LRP1: variants seen among roughly 807,000 people sequenced by gnomAD.
The protein encoded by LRP1 is prolow-density lipoprotein receptor-related protein 1.
A neutral mutation model predicts 541.5 loss-of-function variants in LRP1; 51 were observed. The observed-to-expected ratio is 0.09, with a 90% CI of 0.08 to 0.12. LRP1 has a LOEUF of 0.12. Ranked by LOEUF, LRP1 falls within the 10% of genes least tolerant of loss-of-function variation. The pLI is 1.00. For missense variants in LRP1, 3,878 were observed against 6,376.2 expected (o/e 0.61, Z 13.34); for synonymous variants, 2,219 against 2,470.8 (o/e 0.90, Z 3.02).
Position 57,128,886 on chromosome 12 carries a change from A to T in LRP1, c.-79A>T. 1 of 1,288,174 alleles carries T rather than the reference A, an allele frequency of 7.8e-7. No homozygotes were observed. The highest frequency in any genetic ancestry group is 1.1e-6 in the Non-Finnish European group (1 of 932,066). The allele number at this position is 1,288,174 out of a possible 1,614,324, so 79.8% of individuals were successfully genotyped here. A position where few individuals can be genotyped will look rare whatever the true frequency, so the allele number is the denominator to read the frequency against. On this transcript the variant is annotated 5_prime_UTR_variant, in exon 1 of 89. Coordinates refer to ENST00000243077, the MANE Select transcript of LRP1 (RefSeq NM_002332.3). ...GGAGGGGGAAAGGAGGAAAAGGGGG[A>T]CCCCCCAACTGGGGGGGGTGAAGGA... is the stretch of plus-strand genomic sequence containing the variant.
intron 82 of LRP1, 105 bp downstream of exon 82, chr12:57,210,585 C>G: frequency 6.9e-7 from 1 of 1,441,700 alleles, no homozygotes; most frequent in Non-Finnish European, 9.4e-7. Context: ...TCGCCTCCAG[C>G]CTCCTTTCCA....
Position 57,205,749 on chromosome 12 carries a change from G to C in LRP1, c.11590+72G>C, listed in dbSNP as rs2036764267. 3.2e-6 allele frequency: 5 copies of C among 1,578,250 alleles called. No homozygotes were observed. In the South Asian group the frequency reaches 5.6e-5, roughly 18 times the overall value. ...CCAGGATATCAAACGGGGCCGACTTGGAATGGAATGTCTTCCTGCGGACAT... is the reference window on the plus strand; with the variant it reads ...CCAGGATATCAAACGGGGCCGACTTCGAATGGAATGTCTTCCTGCGGACAT... On this transcript the variant is annotated intron_variant, in intron 75 of 88. Transcript: ENST00000243077. The surrounding 1 kb of genome is among the most constrained non-coding windows in gnomAD (Gnocchi z 4.6).
chr12:57,163,149 G>C (rs1302428109), intron 15 of LRP1, among the ~76,000 whole-genome samples, 166 bp downstream of exon 15: 1 of 152,166 alleles, frequency 6.6e-6, no homozygotes, highest in Non-Finnish European at 1.5e-5. Context: ...AGGCTCTGGG[G>C]GCTAGGAGGG....
In LRP1 at chr12:57,185,444, A is replaced by G; in HGVS notation, c.6464-87A>G. ...AGCTGGGAATACCGAGGCAGAGGGC[A>G]GAGCTTTCGCCAAAGCCTGGATGAC... On this transcript the variant is annotated intron_variant, in intron 40 of 88. Transcript: ENST00000243077. The surrounding 1 kb of genome is among the most constrained non-coding windows in gnomAD (Gnocchi z 4.9). The G allele has an allele frequency of 2.7e-6, 4 of 1,475,082 alleles. No individual in the cohort carries two copies. Among genetic ancestry groups the G allele is most frequent in the Non-Finnish European group, 3.6e-6 (4 of 1,108,680 alleles). The allele number at this position is 1,475,082 out of a possible 1,614,324, so 91.4% of individuals were successfully genotyped here.
In LRP1 at chr12:57,178,259, G is replaced by A. The variant is rs1285372136; in HGVS notation, c.4362-100G>A. On this transcript the variant is annotated intron_variant, in intron 26 of 88. Transcript: ENST00000243077. The surrounding 1 kb of genome is among the most constrained non-coding windows in gnomAD (Gnocchi z 5.8). ...AGGGAATGGTCCCATGCTCTTCGCT[G>A]GGAGGGCTGTGGCCAGGGCCCAGAG... 1.8e-5 allele frequency: 26 copies of A among 1,409,502 alleles called. No individual in the cohort carries two copies. Among genetic ancestry groups the A allele is most frequent in the Admixed American group, 9.8e-5 (5 of 50,960 alleles). The allele number at this position is 1,409,502 out of a possible 1,614,324, so 87.3% of individuals were successfully genotyped here.
At position 57,185,302 on chromosome 12, in the gene LRP1, A is replaced by C; in HGVS notation, c.6463+97A>C. On this transcript the variant is annotated intron_variant, in intron 40 of 88. Coordinates refer to ENST00000243077, the MANE Select transcript of LRP1 (RefSeq NM_002332.3). This position sits in a 1 kb window ranked among gnomAD's most constrained non-coding sequence, Gnocchi z 4.9. ...ACCCAGTGTGAGAGGGCTGGGAGACAAGTTAGACCCATGGGGCAACTTCCG... is the reference window on the plus strand; with the variant it reads ...ACCCAGTGTGAGAGGGCTGGGAGACCAGTTAGACCCATGGGGCAACTTCCG... 6.6e-7 allele frequency: 1 copy of C among 1,521,814 alleles called. No homozygotes were observed. Among genetic ancestry groups the C allele is most frequent in the Non-Finnish European group, 8.9e-7 (1 of 1,122,732 alleles). 94.3% of individuals were successfully genotyped at this position (1,521,814 alleles called of 1,614,324 possible). A position where few individuals can be genotyped will look rare whatever the true frequency, so the allele number is the denominator to read the frequency against.
At chr12:57,199,777 A>G in intron 61 of LRP1, 100 bp from the exon 62 acceptor site, 1 of 1,374,764 alleles carries the variant, frequency 7.3e-7, no homozygotes, top group Non-Finnish European at 9.8e-7. Flanking sequence ...TAAAAGAGGC[A>G]GGGTTCAGAC....
At position 57,205,660 on chromosome 12, in the gene LRP1, A is replaced by C; in HGVS notation, c.11573A>C (p.Asn3858Thr). Residue 3858 changes from asparagine (N) to threonine (T), a missense_variant, in exon 75 of 89, where the codon AAC becomes ACC. This residue lies in a region of LRP1 where 871 missense variants were observed against 1,212.4 expected (regional missense o/e 0.72). Transcript: ENST00000243077. This position sits in a 1 kb window ranked among gnomAD's most constrained non-coding sequence, Gnocchi z 4.6. ...SCARNFMKTH[N>T]TCKAEGSEYQ... is the part of the protein sequence containing the mutation. ...GCTCGGAACTTCATGAAGACGCACAACACCTGCAAGGCCGAAGGTGCCGGA... is the reference window on the plus strand; with the variant it reads ...GCTCGGAACTTCATGAAGACGCACACCACCTGCAAGGCCGAAGGTGCCGGA... The C allele has an allele frequency of 6.2e-7, 1 of 1,612,362 alleles. No homozygotes were observed.
At chr12:57,170,080 G>A (rs1028804625) in intron 20 of LRP1, among the ~76,000 whole-genome samples, 4 of 152,196 alleles carry the variant, frequency 2.6e-5, no homozygotes, top group African/African-American at 4.8e-5. Context: ...CAGCCTCCGC[G>A]GTTTGCTGGC....
At chr12:57,166,632 T>TA (rs1416241869) in intron 17 of LRP1, among the ~76,000 whole-genome samples, 1 of 152,108 alleles carries the variant, frequency 6.6e-6, no homozygotes, top group African/African-American at 2.4e-5. Flanking sequence ...TGGGGTCTGC[T>TA]ATCCCCTTCC....
At chr12:57,208,616 AGTCCCTGTC>A (rs772797454) in intron 77 of LRP1, 86 bp from the exon 78 acceptor site, 76 of 718,698 alleles carry the variant, frequency 1.1e-4, no homozygotes, top group Non-Finnish European at 1.7e-4. Context: ...AGTCCCCAGC[AGTCCCTGTC>A]CCCAGACCAA....
At position 57,196,016 on chromosome 12, in the gene LRP1, C is replaced by T. The variant is rs376697099; in HGVS notation, c.8701+13C>T. The T allele has an allele frequency of 2.5e-6, 4 of 1,612,204 alleles. No individual in the cohort carries two copies. In the African/African-American group the frequency reaches 5.3e-5, roughly 22 times the overall value. ...TGCACCAGCCAAGGTGGGCCCCAGA[C>T]CTGGCTCCCCTCTGCCCCCTCCCCA... On this transcript the variant is annotated intron_variant, in intron 54 of 88. Transcript: ENST00000243077.
chr12:57,183,653 C>T lies in LRP1; in HGVS notation c.5795-122C>T. The T allele has an allele frequency of 6.7e-7, 1 of 1,490,192 alleles. No homozygotes were observed. The highest frequency in any genetic ancestry group is 1.9e-5 in the Admixed American group (1 of 52,940). 92.3% of individuals were successfully genotyped at this position (1,490,192 alleles called of 1,614,324 possible). On this transcript the variant is annotated intron_variant, in intron 35 of 88. Coordinates refer to ENST00000243077, the MANE Select transcript of LRP1 (RefSeq NM_002332.3). The surrounding 1 kb of genome is among the most constrained non-coding windows in gnomAD (Gnocchi z 6.1). ...TACAGCTGCCACCCTGACTCCACCT[C>T]CCCTTCAAGCACCTGGCCCCTCCGG...
At chr12:57,195,585 A>T (rs1023048843) in intron 52 of LRP1, 73 bp from the exon 53 acceptor site, 15 of 1,608,616 alleles carry the variant, frequency 9.3e-6, no homozygotes, top group Non-Finnish European at 1.3e-5. Flanking sequence ...GGAGAACCAC[A>T]GGAGGTTAGA....
In LRP1 at chr12:57,175,491, C is replaced by T; in HGVS notation, c.3579C>T (p.Ser1193=). 6.2e-7 allele frequency: 1 copy of T among 1,613,916 alleles called. No homozygotes were observed. The highest frequency in any genetic ancestry group is 8.5e-7 in the Non-Finnish European group (1 of 1,180,034). Residue 1193 remains serine, a synonymous_variant, in exon 23 of 89, where the codon AGC becomes AGT. Transcript: ENST00000243077. ...DQCSLNNGGC[S]HNCSVAPGEG... ...GCTCTCTGAATAACGGTGGCTGCAG[C>T]CACAACTGCTCAGTGGCACCTGGCG...
In LRP1 at chr12:57,206,749, C is replaced by T; in HGVS notation, c.11859+8C>T. ...GGTGTCACCCACCTCAACGTGAGTGCCCAACCTGGCGTGGATGGAGTGGAA... is the reference window on the plus strand; with the variant it reads ...GGTGTCACCCACCTCAACGTGAGTGTCCAACCTGGCGTGGATGGAGTGGAA... On this transcript the variant is annotated splice_region_variant and intron_variant, in intron 76 of 88. Coordinates refer to ENST00000243077, the MANE Select transcript of LRP1 (RefSeq NM_002332.3). This position sits in a 1 kb window ranked among gnomAD's most constrained non-coding sequence, Gnocchi z 4.7. The T allele has an allele frequency of 6.2e-7, 1 of 1,609,364 alleles. No individual in the cohort carries two copies. Among genetic ancestry groups the T allele is most frequent in the South Asian group, 1.1e-5 (1 of 91,068 alleles).
rs1358539543 is a variant in LRP1 at position 57,158,476 on chromosome 12, A to C, written c.1636A>C (p.Lys546Gln). Residue 546 changes from lysine (K) to glutamine (Q), a missense_variant, in exon 11 of 89, where the codon AAG (lysine) becomes CAG (glutamine). Transcript: ENST00000243077. The surrounding 1 kb of genome is among the most constrained non-coding windows in gnomAD (Gnocchi z 5.3). ...CATCCGGGGCATGGATATGGGGGCC[A>C]AGGTCCCGGATGAGCACATGATCCC... ...GIIRGMDMGA[K>Q]VPDEHMIPIE... 6.2e-7 allele frequency: 1 copy of C among 1,614,046 alleles called. No individual in the cohort carries two copies. The highest frequency in any genetic ancestry group is 1.3e-5 in the African/African-American group (1 of 74,918).
rs1185871247 is a variant in LRP1, at chr12:57,144,107, CT to C, written c.448+310del. 2.6e-5 allele frequency among the ~76,000 whole-genome samples: 4 copies of C among 152,350 alleles called. No individual in the cohort carries two copies. In the East Asian group the frequency reaches 7.7e-4, roughly 29 times the overall value. On this transcript the variant is annotated intron_variant, in intron 4 of 88. Coordinates refer to ENST00000243077, the MANE Select transcript of LRP1 (RefSeq NM_002332.3). ...CCCTCAATTCCGGTCCCCTTCCCATCTCCCTGGAGTTCAACTCTATTATCAG... is the reference window on the plus strand; with the variant it reads ...CCCTCAATTCCGGTCCCCTTCCCATCCCCTGGAGTTCAACTCTATTATCAG...
chr12:57,180,194 A>G, intron 31 of LRP1, 53 bp downstream of exon 31: 1 of 1,584,462 alleles, frequency 6.3e-7, no homozygotes, highest in East Asian at 2.2e-5. Flanking sequence ...CTTGACCAGC[A>G]GGTGCTTGCA....
Sources: gnomAD v4.1 joint callset for allele counts (sites outside exome capture counted in the v4.1 genomes callset) on GRCh38, gnomAD v4.1.1 for gene constraint, gnomAD v4.1.1 regional missense constraint, Gnocchi (gnomAD v3.1) non-coding constraint, MANE v1.5 for transcripts, NCBI Gene and HGNC (gene_info 2026-07-23, HGNC 2026-07-21) for gene names.